The following RBMS1 variants were observed in gnomAD, a reference collection of about 807,000 sequenced individuals.
RBMS1 encodes the protein RNA binding motif single stranded interacting protein 1.
In RBMS1, 17 loss-of-function variants were observed where a neutral mutation model predicts 62.3. The observed-to-expected ratio is 0.27, with a 90% CI of 0.19 to 0.41. RBMS1 has a LOEUF of 0.41. Ranked by LOEUF, RBMS1 falls within the 10% of genes least tolerant of loss-of-function variation. RBMS1 has a pLI of 1.00. For synonymous variants in RBMS1, 172 were observed against 170.0 expected, an observed-to-expected ratio of 1.01 and a Z score of -0.09; for missense variants, 334 against 504.5, an observed-to-expected ratio of 0.66 and a Z score of 3.24.
chr2:160,289,000 C>T (rs1302245285), intron 6 of RBMS1, among the ~76,000 whole-genome samples: 2 of 152,058 alleles, frequency 1.3e-5, no homozygotes, highest in African/African-American at 4.8e-5. Context: ...AGGTAAGCAG[C>T]CAGACCCTGA....
In RBMS1 at chr2:160,285,143, G is replaced by C. The variant is rs1432583805; in HGVS notation, c.757-99C>G. 2.5e-6 allele frequency: 3 copies of C among 1,179,546 alleles called. No homozygotes were observed. In the African/African-American group the frequency reaches 4.5e-5, roughly 18 times the overall value. The allele number at this position is 1,179,546 out of a possible 1,614,324, so 73.1% of individuals were successfully genotyped here. A position where few individuals can be genotyped will look rare whatever the true frequency, so the allele number is the denominator to read the frequency against. On this transcript the variant is annotated intron_variant, in intron 7 of 13. Coordinates refer to ENST00000348849, the MANE Select transcript of RBMS1 (RefSeq NM_016836.4). ...GTGGTGGTGTGCACCTGTAGTCCCA[G>C]CTGCTGGGGAGGCTGAGGTGGGAAG...
chr2:160,302,186 A>G (rs1258260825), intron 5 of RBMS1, among the ~76,000 whole-genome samples: 7 of 151,796 alleles, frequency 4.6e-5, no homozygotes, highest in Admixed American at 2.6e-4. Flanking sequence ...CACTTTAGCT[A>G]TAACTAGACT....
intron 2 of RBMS1, among the ~76,000 whole-genome samples, chr2:160,323,432 C>T (rs767850583): frequency 6.6e-5 from 10 of 151,580 alleles, no homozygotes; most frequent in Non-Finnish European, 1.3e-4. Context: ...GCCAGGACTG[C>T]GTCACTGCAC....
intron 2 of RBMS1, among the ~76,000 whole-genome samples, chr2:160,318,875 TGTG>T (rs1690384300): frequency 6.6e-6 from 1 of 152,242 alleles, no homozygotes; most frequent in Non-Finnish European, 1.5e-5. Flanking sequence ...ACTCACTTTG[TGTG>T]CATGCACATG....
chr2:160,471,716 T>TATATATATATATATATATAAAA (rs371634389), intron 1 of RBMS1, among the ~76,000 whole-genome samples: 1 of 76,234 alleles, frequency 1.3e-5, no homozygotes, highest in East Asian at 2.9e-4. Flanking sequence ...TATATATATA[T>TATATATATATATATATATAAAA]AACCTTTCAT....
chr2:160,363,185 T>TA (rs1280686550), intron 2 of RBMS1, among the ~76,000 whole-genome samples: 6 of 152,196 alleles, frequency 3.9e-5, no homozygotes, highest in African/African-American at 1.4e-4. Flanking sequence ...CACTTTTAGG[T>TA]AACTCTGGGA....
intron 10 of RBMS1, among the ~76,000 whole-genome samples, chr2:160,280,590 T>C (rs1436680711): frequency 6.6e-6 from 1 of 152,202 alleles, no homozygotes; most frequent in African/African-American, 2.4e-5. Context: ...ACTGTATTGC[T>C]TACCAGGATT....
chr2:160,420,797 G>T (rs370432393), intron 1 of RBMS1, among the ~76,000 whole-genome samples: 10 of 152,138 alleles, frequency 6.6e-5, no homozygotes, highest in African/African-American at 2.4e-4. Flanking sequence ...CAGGAACCCA[G>T]AAAAGATAAG....
chr2:160,281,586 G>C, intron 9 of RBMS1: 1 of 429,676 alleles, frequency 2.3e-6, no homozygotes, highest in Non-Finnish European at 4.2e-6. Context: ...GCCCACTCAA[G>C]AAGTAATTGT....
chr2:160,318,204 T>C lies in RBMS1; in HGVS notation c.275A>G (p.Lys92Arg). 1 of 1,550,630 alleles carries C rather than the reference T, an allele frequency of 6.4e-7. No individual in the cohort carries two copies. Among genetic ancestry groups the C allele is most frequent in the Admixed American group, 1.9e-5 (1 of 51,416 alleles). Residue 92 changes from lysine (K) to arginine (R), a missense_variant, in exon 3 of 14, where the codon AAG (lysine) becomes AGG (arginine). Transcript: ENST00000348849. ...CQPYGKIVST[K>R]AILDKTTNKC... ...GTTCGTTGTCTTATCCAAAATTGCC[T>C]TTGTGGAGACTATTTTCCCATATCT...
chr2:160,479,731 G>T (rs1291826204), intron 1 of RBMS1, among the ~76,000 whole-genome samples: 1 of 152,142 alleles, frequency 6.6e-6, no homozygotes, highest in African/African-American at 2.4e-5. Flanking sequence ...TCTGTAAAAT[G>T]AGTGGCTTAG....
chr2:160,299,503 G>A (rs781425370), intron 6 of RBMS1, among the ~76,000 whole-genome samples: 1 of 144,358 alleles, frequency 6.9e-6, no homozygotes, highest in Non-Finnish European at 1.6e-5. Flanking sequence ...CAAATTTCTC[G>A]GCTTTGCTGA....
intron 1 of RBMS1, among the ~76,000 whole-genome samples, chr2:160,486,035 T>G (rs750639402): frequency 6.6e-6 from 1 of 152,190 alleles, no homozygotes; most frequent in South Asian, 2.1e-4. Context: ...TATAATTTAC[T>G]TTTCCTAATG....
chr2:160,289,641 A>G (rs1354987384), intron 6 of RBMS1, among the ~76,000 whole-genome samples: 1 of 152,180 alleles, frequency 6.6e-6, no homozygotes, highest in Non-Finnish European at 1.5e-5. Flanking sequence ...TTTAATGGAG[A>G]AAAGAGTGTA....
At chr2:160,304,534 G>A (rs1428511420) in intron 4 of RBMS1, among the ~76,000 whole-genome samples, 1 of 152,132 alleles carries the variant, frequency 6.6e-6, no homozygotes, top group Non-Finnish European at 1.5e-5. Context: ...AATGGCGGAT[G>A]GCATATACGA....
chr2:160,282,429 C>T lies in RBMS1; in HGVS notation c.901-1065G>A, dbSNP rs536460718. The stretch of plus-strand genomic sequence containing the variant: ...AATTTCTCAAATCCAATTGCATAAG[C>T]TTATGGTGGTTTAGTGGAGAAAGGC... On this transcript the variant is annotated intron_variant, in intron 9 of 13. Transcript: ENST00000348849. 1.9e-5 allele frequency: 14 copies of T among 735,058 alleles called. No homozygotes were observed. In the East Asian group the frequency reaches 6.9e-4, roughly 36 times the overall value. The allele number at this position is 735,058 out of a possible 1,614,324, so 45.5% of individuals were successfully genotyped here.
rs561049387 is a variant in RBMS1, at chr2:160,350,802, T to C, written c.251+16414A>G. ...AAGTCTTTGCTATTGTGAATAGTGC[T>C]GCAATAAACAAACGTGTGCATGTGT... On this transcript the variant is annotated intron_variant, in intron 2 of 13. Coordinates refer to ENST00000348849, the MANE Select transcript of RBMS1 (RefSeq NM_016836.4). 7.6e-4 allele frequency among the ~76,000 whole-genome samples: 115 copies of C among 152,230 alleles called. 1 individual carries two copies. The highest frequency in any genetic ancestry group is 3.3e-3 in the Admixed American group (50 of 15,268).
At chr2:160,355,378 C>A (rs924394306) in intron 2 of RBMS1, among the ~76,000 whole-genome samples, 3 of 152,088 alleles carry the variant, frequency 2.0e-5, no homozygotes, top group African/African-American at 7.2e-5. Flanking sequence ...CAAACAGGCA[C>A]TCAATTTGCA....
At chr2:160,478,661 A>G (rs1235424884) in intron 1 of RBMS1, among the ~76,000 whole-genome samples, 1 of 152,188 alleles carries the variant, frequency 6.6e-6, no homozygotes, top group South Asian at 2.1e-4. Flanking sequence ...TGCTCAATAT[A>G]TCCCAATTTC....
Sources: allele counts gnomAD v4.1 joint callset (sites outside exome capture counted in the v4.1 genomes callset), GRCh38; gene constraint gnomAD v4.1.1; transcripts MANE v1.5; gene names NCBI Gene and HGNC (gene_info 2026-07-23, HGNC 2026-07-21).